LHFPL2: variants seen among roughly 807,000 people sequenced by gnomAD.
LHFPL2 encodes LHFPL tetraspan subfamily member 2, also known as LHFPL tetraspan subfamily member 2 protein.
Under a neutral mutation model 17.5 loss-of-function variants are expected in LHFPL2, and 7 were observed. The ratio of observed to expected loss-of-function variants is 0.40; its 90% CI spans 0.23 to 0.75. LHFPL2 has a LOEUF of 0.75. Among genes scored for constraint, LHFPL2 ranks in the 30% least tolerant of loss-of-function variants. LHFPL2 has a pLI of 0.37. For missense variants in LHFPL2, 241 were observed against 294.8 expected (o/e 0.82, Z 1.34); for synonymous variants, 134 against 116.2 (o/e 1.15, Z -0.99).
At chr5:78,495,694 T>G (rs1369348433) in intron 4 of LHFPL2, among the ~76,000 whole-genome samples, 1 of 152,128 alleles carries the variant, frequency 6.6e-6, no homozygotes. Flanking sequence ...CTATGAAATA[T>G]CGGAACGTCT....
chr5:78,546,784 CT>C (rs1335776428), intron 3 of LHFPL2, among the ~76,000 whole-genome samples: 2 of 152,178 alleles, frequency 1.3e-5, no homozygotes, highest in East Asian at 3.8e-4. Context: ...TTGTTTAGTG[CT>C]TTGCTTTTGG....
intron 3 of LHFPL2, among the ~76,000 whole-genome samples, chr5:78,515,627 T>C (rs1391871671): frequency 2.6e-5 from 4 of 152,216 alleles, no homozygotes. Context: ...TCTTAAAGTG[T>C]GGGTTCCTGG....
chr5:78,583,193 G>C (rs1413695922), intron 2 of LHFPL2, among the ~76,000 whole-genome samples: 2 of 151,108 alleles, frequency 1.3e-5, no homozygotes, highest in Non-Finnish European at 3.0e-5. Flanking sequence ...CATGAGATGG[G>C]TTTCCTGAAT....
intron 1 of LHFPL2, among the ~76,000 whole-genome samples, chr5:78,638,309 G>T (rs1362202904): frequency 6.6e-6 from 1 of 152,094 alleles, no homozygotes; most frequent in Non-Finnish European, 1.5e-5. Context: ...AGCCGAGATG[G>T]CACCACTGCA....
intron 2 of LHFPL2, chr5:78,590,136 C>T (rs1743576884): frequency 1.3e-5 from 2 of 152,174 alleles, no homozygotes; most frequent in Non-Finnish European, 2.9e-5. Flanking sequence ...ACACATGGCT[C>T]TACTAGAGCT....
chr5:78,562,634 CAAAAA>C (rs35163869), intron 3 of LHFPL2, among the ~76,000 whole-genome samples: 1 of 113,130 alleles, frequency 8.8e-6, no homozygotes. Flanking sequence ...GATTCCACCT[CAAAAA>C]AAAAAAAAAA....
intron 2 of LHFPL2, among the ~76,000 whole-genome samples, chr5:78,574,331 G>A (rs1466249851): frequency 6.6e-6 from 1 of 152,222 alleles, no homozygotes; most frequent in East Asian, 1.9e-4. Context: ...CCCAGGAGGA[G>A]AGGCTGAGCT....
chr5:78,581,248 T>C (rs1305849001), intron 2 of LHFPL2, among the ~76,000 whole-genome samples: 2 of 152,208 alleles, frequency 1.3e-5, no homozygotes, highest in African/African-American at 4.8e-5. Context: ...CAGGGACAAT[T>C]TGACTTCCTC....
chr5:78,589,385 G>A lies in LHFPL2; in HGVS notation c.-244-24514C>T, dbSNP rs1481879051. Among the ~76,000 whole-genome samples the A allele has an allele frequency of 2.0e-5, 3 of 150,896 alleles. No individual in the cohort carries two copies. In the South Asian group the frequency reaches 6.3e-4, roughly 32 times the overall value. On this transcript the variant is annotated intron_variant, in intron 2 of 4. Transcript: ENST00000380345. ...ACTCGGGAGGCTAAGGAGGAGAATC[G>A]CTTGAACCCGGGAGGCAGAGGCTGC...
Position 78,557,119 on chromosome 5 carries a change from C to G in LHFPL2, c.-186+7694G>C, listed in dbSNP as rs182237726. Among the ~76,000 whole-genome samples, 8 of 152,208 alleles carry G rather than the reference C, an allele frequency of 5.3e-5. No individual in the cohort carries two copies. The East Asian group carries it at 1.5e-3, about 29-fold the overall frequency. ...AAGAGTATACCAGTGTTCAAGGTCA[C>G]CAGAGAAGACTGAATGTGACCTTTG... is the stretch of plus-strand genomic sequence containing the variant. On this transcript the variant is annotated intron_variant, in intron 3 of 4. Transcript: ENST00000380345.
intron 4 of LHFPL2, among the ~76,000 whole-genome samples, chr5:78,496,287 C>T (rs946224662): frequency 2.0e-5 from 3 of 152,114 alleles, no homozygotes; most frequent in South Asian, 4.1e-4. Flanking sequence ...AGAATCGATA[C>T]GAATTCTAAT....
Position 78,561,708 on chromosome 5 carries a change from T to C in LHFPL2, c.-186+3105A>G, listed in dbSNP as rs373831388. Among the ~76,000 whole-genome samples the C allele has an allele frequency of 2.0e-5, 3 of 152,332 alleles. No individual in the cohort carries two copies. In the East Asian group the frequency reaches 5.8e-4, roughly 29 times the overall value. On this transcript the variant is annotated intron_variant, in intron 3 of 4. Transcript: ENST00000380345. ...TACGAGCATGTTTACTGAGATTCAT[T>C]AGGTGCTAGTTCTGTATGCCCCAGT...
chr5:78,494,314 C>T (rs999099919), intron 4 of LHFPL2: 44 of 966,090 alleles, frequency 4.6e-5, no homozygotes, highest in African/African-American at 1.1e-4. Context: ...CCAAAGACAA[C>T]GCAGCCACCA....
At chr5:78,641,700 T>C (rs1033945008) in intron 1 of LHFPL2, among the ~76,000 whole-genome samples, 2 of 152,186 alleles carry the variant, frequency 1.3e-5, no homozygotes, top group African/African-American at 4.8e-5. Context: ...GGTTCTCCTT[T>C]CTGGACCTGC....
Position 78,648,758 on chromosome 5 carries a change from C to G in LHFPL2, c.-609G>C, listed in dbSNP as rs2112538827. On this transcript the variant is annotated 5_prime_UTR_variant, in exon 1 of 5. Transcript: ENST00000380345. The surrounding 1 kb of genome is among the most constrained non-coding windows in gnomAD (Gnocchi z 5.4). ...AGCTCGGCGGCCGCCCGGGCTAGCA[C>G]TCGGGGAGAGGGAGGAGGAGGAGGG... 1 of 151,792 alleles carries G rather than the reference C, an allele frequency of 6.6e-6. No homozygotes were observed. The highest frequency in any genetic ancestry group is 2.0e-4 in the East Asian group (1 of 5,110). 9.4% of individuals were successfully genotyped at this position (151,792 alleles called of 1,614,324 possible).
Position 78,585,313 on chromosome 5 carries a change from G to A in LHFPL2, c.-244-20442C>T, listed in dbSNP as rs1288044131. Among the ~76,000 whole-genome samples, 3 of 141,250 alleles carry A rather than the reference G, an allele frequency of 2.1e-5. 1 individual carries two copies. Among genetic ancestry groups the A allele is most frequent in the Admixed American group, 7.0e-5 (1 of 14,214 alleles). 92.7% of individuals were successfully genotyped at this position (141,250 alleles called of 152,430 possible). ...TGAGCCACCGCGCCCGGCCTGGTGC[G>A]CTGTTTTTTAAGCCCGTTGGAAAAG... is the stretch of plus-strand genomic sequence containing the variant. On this transcript the variant is annotated intron_variant, in intron 2 of 4. Coordinates refer to ENST00000380345, the MANE Select transcript of LHFPL2 (RefSeq NM_005779.3).
chr5:78,541,631 A>C (rs1387379497), intron 3 of LHFPL2, among the ~76,000 whole-genome samples: 2 of 152,222 alleles, frequency 1.3e-5, no homozygotes, highest in African/African-American at 2.4e-5. Context: ...GTGTGTGACC[A>C]GCCTGCCACC....
intron 2 of LHFPL2, among the ~76,000 whole-genome samples, chr5:78,613,805 T>C (rs1744500965): frequency 6.6e-6 from 1 of 152,228 alleles, no homozygotes; most frequent in Admixed American, 6.5e-5. Flanking sequence ...ACTTACTTGG[T>C]TGTATGATCT....
intron 3 of LHFPL2, among the ~76,000 whole-genome samples, chr5:78,556,015 G>T (rs372013377): frequency 6.6e-6 from 1 of 152,166 alleles, no homozygotes; most frequent in Admixed American, 6.5e-5. Flanking sequence ...AAGTACCAGG[G>T]CAGGATGAGG....
Sources: allele counts gnomAD v4.1 joint callset (sites outside exome capture counted in the v4.1 genomes callset), GRCh38; gene constraint gnomAD v4.1.1; non-coding constraint Gnocchi (gnomAD v3.1); transcripts MANE v1.5; gene names NCBI Gene and HGNC (gene_info 2026-07-23, HGNC 2026-07-21).